Variants in DISC1 observed in about 807,000 individuals in gnomAD.
DISC1 encodes the protein disrupted in schizophrenia 1 protein.
A neutral mutation model predicts 84.5 loss-of-function variants in DISC1; 57 were observed. The observed-to-expected ratio is 0.67, with a 90% CI of 0.55 to 0.84. The LOEUF is 0.84. DISC1 is among the 40% of genes least tolerant of loss of function. The pLI, the probability that DISC1 is intolerant of heterozygous loss-of-function variation, is 0.00. For missense variants in DISC1, 1,000 were observed against 1,057.8 expected, an observed-to-expected ratio of 0.95 and a Z score of 0.76; for synonymous variants, 411 against 415.2, an observed-to-expected ratio of 0.99 and a Z score of 0.12.
At chr1:231,809,899 T>C (rs1005864225) in intron 8 of DISC1, among the ~76,000 whole-genome samples, 1 of 152,232 alleles carries the variant, frequency 6.6e-6, no homozygotes, top group East Asian at 1.9e-4. Flanking sequence ...GGAAATTAAA[T>C]TGACCATGTC....
intron 8 of DISC1, among the ~76,000 whole-genome samples, chr1:231,810,433 G>A (rs1656609168): frequency 6.6e-6 from 1 of 152,196 alleles, no homozygotes; most frequent in African/African-American, 2.4e-5. Context: ...AGTGGCTGCA[G>A]GAGGGAGACA....
intron 3 of DISC1, among the ~76,000 whole-genome samples, chr1:231,717,187 TA>T (rs1005210289): frequency 1.3e-5 from 2 of 151,936 alleles, no homozygotes; most frequent in Non-Finnish European, 2.9e-5. Context: ...TGTGGCCCAT[TA>T]AAAAAAAGTT....
intron 9 of DISC1, among the ~76,000 whole-genome samples, chr1:231,955,420 C>G (rs933525639): frequency 6.6e-6 from 1 of 151,918 alleles, no homozygotes; most frequent in Non-Finnish European, 1.5e-5. Flanking sequence ...TTCTTCCCAT[C>G]TCAGTTGATG....
At chr1:232,035,551 G>A (rs1670438061) in intron 12 of DISC1, among the ~76,000 whole-genome samples, 1 of 152,196 alleles carries the variant, frequency 6.6e-6, no homozygotes, top group South Asian at 2.1e-4. Context: ...ACATTGTAGT[G>A]TAGGTGGTCT....
rs1354284473 is a variant in DISC1 at position 231,834,143 on chromosome 1, G to T, written c.1981+15626G>T. Among the ~76,000 whole-genome samples, 7 of 152,216 alleles carry T rather than the reference G, an allele frequency of 4.6e-5. No homozygotes were observed. The East Asian group carries it at 1.2e-3, about 25-fold the overall frequency. ...TTAGCTCCAGCCACCTTTTTAAGAG[G>T]AAATTGCTGGGCAGGTGGGGGAGGG... On this transcript the variant is annotated intron_variant, in intron 9 of 12. Transcript: ENST00000439617.
chr1:231,670,636 AT>A (rs1419475740), intron 1 of DISC1: 1 of 152,226 alleles, frequency 6.6e-6, no homozygotes, highest in African/African-American at 2.4e-5. Flanking sequence ...TTCAGTGTTT[AT>A]CCTGGTTTCT....
chr1:232,005,038 C>CTCCG (rs201086965), intron 10 of DISC1, among the ~76,000 whole-genome samples: 20,906 of 103,688 alleles, frequency 0.2, 3,348 homozygotes, highest in African/African-American at 0.23. Context: ...CACTCCCTCC[C>CTCCG]TCCATCCTTC....
intron 10 of DISC1, among the ~76,000 whole-genome samples, chr1:231,971,120 A>G (rs1318648534): frequency 6.6e-6 from 1 of 152,176 alleles, no homozygotes; most frequent in Non-Finnish European, 1.5e-5. Flanking sequence ...TCAATCTTAG[A>G]TGGTTTTTTT....
rs1449245933 is a variant in DISC1 at position 231,767,132 on chromosome 1, G to C, written c.1269-8G>C. On this transcript the variant is annotated splice_region_variant and splice_polypyrimidine_tract_variant and intron_variant, in intron 4 of 12. Coordinates refer to ENST00000439617, the MANE Select transcript of DISC1 (RefSeq NM_018662.3). ...ATACCTGTACCAATAGGTATGTGTT[G>C]TTTTAAGGGCCAGCGGAGATGACAC... 1.2e-6 allele frequency: 2 copies of C among 1,614,020 alleles called. No homozygotes were observed. Among genetic ancestry groups the C allele is most frequent in the Non-Finnish European group, 1.7e-6 (2 of 1,179,996 alleles).
At chr1:231,987,175 A>G (rs540724561) in intron 10 of DISC1, among the ~76,000 whole-genome samples, 10 of 152,322 alleles carry the variant, frequency 6.6e-5, no homozygotes, top group African/African-American at 2.4e-4. Context: ...TTATTGTGCT[A>G]TTTTTAGACT....
intron 10 of DISC1, among the ~76,000 whole-genome samples, chr1:232,004,810 C>G (rs955145953): frequency 1.3e-5 from 2 of 152,018 alleles, no homozygotes; most frequent in African/African-American, 4.8e-5. Flanking sequence ...TCCAGTGCAT[C>G]GCTCAGAAAA....
intron 12 of DISC1, among the ~76,000 whole-genome samples, chr1:232,035,595 C>T (rs1315249083): frequency 6.6e-6 from 1 of 152,174 alleles, no homozygotes; most frequent in African/African-American, 2.4e-5. Flanking sequence ...CAAAGCTCCC[C>T]ATTCCCTCCA....
intron 3 of DISC1, among the ~76,000 whole-genome samples, chr1:231,706,753 G>A (rs1362684680): frequency 6.6e-6 from 1 of 152,168 alleles, no homozygotes; most frequent in African/African-American, 2.4e-5. Context: ...AAAAATGATG[G>A]TGGCAGAGGC....
intron 8 of DISC1, among the ~76,000 whole-genome samples, chr1:231,808,443 C>T (rs1200732775): frequency 1.3e-5 from 2 of 152,200 alleles, no homozygotes; most frequent in Middle Eastern, 3.2e-3. Context: ...GTTACTCTCC[C>T]CTGGCCTTCC....
At chr1:231,886,784 T>TTTCTTTCTTTCC (rs1491545044) in intron 9 of DISC1, among the ~76,000 whole-genome samples, 4 of 135,550 alleles carry the variant, frequency 3.0e-5, no homozygotes, top group African/African-American at 1.1e-4. Context: ...TCTTTCTTTC[T>TTTCTTTCTTTCC]TTCTTTCTTT....
chr1:231,848,194 T>G (rs759306047), intron 9 of DISC1, among the ~76,000 whole-genome samples: 4 of 152,176 alleles, frequency 2.6e-5, no homozygotes, highest in Non-Finnish European at 4.4e-5. Flanking sequence ...GCCGCCTTTC[T>G]TCCCTGTCCC....
chr1:232,001,630 G>A (rs1754607), intron 10 of DISC1, among the ~76,000 whole-genome samples: 73,093 of 152,038 alleles, frequency 0.48, 20,359 homozygotes, highest in African/African-American at 0.78. Flanking sequence ...AAGTAATTCA[G>A]TGAAGGAACA....
intron 11 of DISC1, 39 bp from the exon 12 acceptor site, chr1:232,026,396 C>T (rs370866744): frequency 2.7e-5 from 37 of 1,388,138 alleles, no homozygotes; most frequent in African/African-American, 2.3e-4. Context: ...TCTGTGTCCA[C>T]GGCACTAACA....
rs189064086 is a variant in DISC1 at position 231,983,859 on chromosome 1, C to T, written c.2043-24926C>T. On this transcript the variant is annotated intron_variant, in intron 10 of 12. Coordinates refer to ENST00000439617, the MANE Select transcript of DISC1 (RefSeq NM_018662.3). ...CTCTGATCTCTGAGGGCCTCGCAGT[C>T]GTGTTGATGATTGTATTCATTTAGA... is the stretch of plus-strand genomic sequence containing the variant. 1.9e-3 allele frequency among the ~76,000 whole-genome samples: 293 copies of T among 152,206 alleles called. 1 individual carries two copies. The highest frequency in any genetic ancestry group is 3.3e-3 in the Non-Finnish European group (225 of 68,008).
Sources: allele counts gnomAD v4.1 joint callset (sites outside exome capture counted in the v4.1 genomes callset), GRCh38; gene constraint gnomAD v4.1.1; transcripts MANE v1.5; gene names NCBI Gene and HGNC (gene_info 2026-07-23, HGNC 2026-07-21).